The following PPP1R15A variants were observed in gnomAD, a reference collection of about 807,000 sequenced individuals.
PPP1R15A encodes the protein protein phosphatase 1 regulatory subunit 15A.
Under a neutral mutation model 48.5 loss-of-function variants are expected in PPP1R15A, and 43 were observed. The ratio of observed to expected loss-of-function variants is 0.89; its 90% CI spans 0.69 to 1.14. The LOEUF (loss-of-function observed/expected upper bound fraction) is 1.14, where lower values mean the gene tolerates loss of function less well. PPP1R15A is among the 50% of genes most tolerant of loss of function. The pLI is 0.00. For synonymous variants in PPP1R15A, 327 were observed against 327.4 expected (o/e 1.00, Z 0.01); for missense variants, 868 against 847.2 (o/e 1.02, Z -0.30).
Position 48,872,534 on chromosome 19 carries a change from G to T in PPP1R15A, c.-127G>T. 2.2e-6 allele frequency: 1 copy of T among 456,192 alleles called. No individual in the cohort carries two copies. The allele number at this position is 456,192 out of a possible 1,614,324, so 28.3% of individuals were successfully genotyped here. Reference sequence around the variant, plus strand: ...CCGGAGATACTCTGAGTTACTCGGAGCCCGACGCCTGAGGGTGAGATGAAC... The same window carrying T: ...CCGGAGATACTCTGAGTTACTCGGATCCCGACGCCTGAGGGTGAGATGAAC... On this transcript the variant is annotated 5_prime_UTR_variant, in exon 1 of 3. Coordinates refer to ENST00000200453, the MANE Select transcript of PPP1R15A (RefSeq NM_014330.5).
chr19:48,873,341 G>C lies in PPP1R15A; in HGVS notation c.108G>C (p.Leu36=). ...TCCTCAGCCGCGCCTGGAGCCGCCT[G>C]AGGGGCCTGGGACCTCTAGAGCCCT... ...MGLLSRAWSR[L]RGLGPLEPWL... The change falls in exon 2 of 3, where the codon CTG becomes CTC. Residue 36 remains leucine, a synonymous_variant. Transcript: ENST00000200453. The C allele has an allele frequency of 6.2e-7, 1 of 1,613,016 alleles. No homozygotes were observed. Among genetic ancestry groups the C allele is most frequent in the Non-Finnish European group, 8.5e-7 (1 of 1,179,678 alleles).
Position 48,874,123 on chromosome 19 carries a change from C to T in PPP1R15A, c.890C>T (p.Pro297Leu), listed in dbSNP as rs2037046679. ...CAATCCTCAGCCCCAGCCCAGAGGC[C>T]CCAGCTCAAGTCCTGGTGGTGCCAA... ...GPQSSAPAQR[P>L]QLKSWWCQPS... Residue 297 changes from proline (P) to leucine (L), a missense_variant, in exon 2 of 3, where the codon CCC (proline) becomes CTC (leucine). Coordinates refer to ENST00000200453, the MANE Select transcript of PPP1R15A (RefSeq NM_014330.5). 6.2e-7 allele frequency: 1 copy of T among 1,613,994 alleles called. No homozygotes were observed. Among genetic ancestry groups the T allele is most frequent in the African/African-American group, 1.3e-5 (1 of 74,898 alleles).
rs755786656 is a variant in PPP1R15A, at chr19:48,875,870, C to G, written c.1922C>G (p.Ser641Trp). Residue 641 changes from serine to tryptophan, a missense_variant, in exon 3 of 3, where the codon TCG (serine) becomes TGG (tryptophan). Transcript: ENST00000200453. ...TQTLPSSSVP[S>W]SPVQTTPLSQ... ...ACCTTGCCTTCCTCCTCTGTCCCTT[C>G]GTCCCCAGTCCAGACCACGCCCTTG... The G allele has an allele frequency of 1.7e-5, 28 of 1,614,062 alleles. No homozygotes were observed. Among genetic ancestry groups the G allele is most frequent in the African/African-American group, 6.7e-5 (5 of 74,936 alleles).
At position 48,873,564 on chromosome 19, in the gene PPP1R15A, T is replaced by C. The variant is rs1320014266; in HGVS notation, c.331T>C (p.Leu111=). The change falls in exon 2 of 3, where the codon TTG becomes CTG. Residue 111 remains leucine, a synonymous_variant. Coordinates refer to ENST00000200453, the MANE Select transcript of PPP1R15A (RefSeq NM_014330.5). ...SSSLPEAWGL[L]DDDDGMYGER... Reference sequence around the variant, plus strand: ...TTCCCTTCCTGAAGCCTGGGGACTTTTGGATGATGATGATGGCATGTATGG... The same window carrying C: ...TTCCCTTCCTGAAGCCTGGGGACTTCTGGATGATGATGATGGCATGTATGG... The C allele has an allele frequency of 1.2e-6, 2 of 1,613,960 alleles. No homozygotes were observed. Among genetic ancestry groups the C allele is most frequent in the Non-Finnish European group, 1.7e-6 (2 of 1,180,012 alleles).
Position 48,874,788 on chromosome 19 carries a change from C to T in PPP1R15A, c.1555C>T (p.Pro519Ser), listed in dbSNP as rs2037059602. ...CATCTATGTACCTGGAGAGAAGCCA[C>T]CGCCTCCCTGGGCTCCTCCTAGGCT... Reference protein sequence around the residue: ...VAIYVPGEKPPPPWAPPRLPL... With the variant: ...VAIYVPGEKPSPPWAPPRLPL... The change falls in exon 2 of 3, where the codon CCG becomes TCG. Residue 519 changes from proline to serine, a missense_variant. Transcript: ENST00000200453. 3 of 1,614,078 alleles carry T rather than the reference C, an allele frequency of 1.9e-6. No individual in the cohort carries two copies. The highest frequency in any genetic ancestry group is 2.2e-5 in the South Asian group (2 of 91,090).
At chr19:48,875,512 A>G (rs2037070710) in intron 2 of PPP1R15A, 102 bp from the exon 3 acceptor site, 1 of 1,412,650 alleles carries the variant, frequency 7.1e-7, no homozygotes, top group Non-Finnish European at 9.5e-7. Context: ...TTTGTGTAAT[A>G]ACTAATTTTT....
rs2037040737 is a variant in PPP1R15A at position 48,873,813 on chromosome 19, G to A, written c.580G>A (p.Asp194Asn). Reference sequence around the variant, plus strand: ...GTGTTGTCCAGCCGTGGAGGAGGAGGACGATGAAGAAGCTGTAAAGAAAGA... The same window carrying A: ...GTGTTGTCCAGCCGTGGAGGAGGAGAACGATGAAGAAGCTGTAAAGAAAGA... ...RECCPAVEEEDDEEAVKKEAH... is the reference protein window; with the variant it reads ...RECCPAVEEENDEEAVKKEAH... The change falls in exon 2 of 3, where the codon GAC (aspartate) becomes AAC (asparagine). Residue 194 changes from aspartate to asparagine, a missense_variant. Transcript: ENST00000200453. 1 of 1,613,978 alleles carries A rather than the reference G, an allele frequency of 6.2e-7. No homozygotes were observed. Among genetic ancestry groups the A allele is most frequent in the South Asian group, 1.1e-5 (1 of 91,090 alleles).
rs766389920 is a variant in PPP1R15A, at chr19:48,874,403, C to G, written c.1170C>G (p.Val390=). 6.2e-7 allele frequency: 1 copy of G among 1,613,740 alleles called. No individual in the cohort carries two copies. Among genetic ancestry groups the G allele is most frequent in the Non-Finnish European group, 8.5e-7 (1 of 1,179,916 alleles). Residue 390 remains valine, a synonymous_variant, in exon 2 of 3, where the codon GTC becomes GTG. Transcript: ENST00000200453. The part of the protein sequence containing the change: ...PATGVFLKSW[V]YQPGEDTEEE... Reference sequence around the variant, plus strand: ...CAGGTGTCTTCTTGAAGTCCTGGGTCTATCAGCCAGGAGAGGACACAGAGG... The same window carrying G: ...CAGGTGTCTTCTTGAAGTCCTGGGTGTATCAGCCAGGAGAGGACACAGAGG...
chr19:48,875,947 C>T lies in PPP1R15A; in HGVS notation c.1999C>T (p.Leu667=), dbSNP rs746786955. 3.3e-5 allele frequency: 53 copies of T among 1,597,740 alleles called. No homozygotes were observed. Among genetic ancestry groups the T allele is most frequent in the Non-Finnish European group, 4.5e-5 (53 of 1,168,994 alleles). Residue 667 remains leucine, a synonymous_variant, in exon 3 of 3, where the codon CTG becomes TTG. Coordinates refer to ENST00000200453, the MANE Select transcript of PPP1R15A (RefSeq NM_014330.5). ...CTCGTCTGCTGCTGCAGCGGCTGCCCTGGACCTCAGTGGGAGGCGTGGCTG... is the reference window on the plus strand; with the variant it reads ...CTCGTCTGCTGCTGCAGCGGCTGCCTTGGACCTCAGTGGGAGGCGTGGCTG... ...SRSSAAAAAA[L]DLSGRRG
In PPP1R15A at chr19:48,873,841, C is replaced by T. The variant is rs1251539150; in HGVS notation, c.608C>T (p.Ala203Val). 6.2e-7 allele frequency: 1 copy of T among 1,614,148 alleles called. No individual in the cohort carries two copies. Among genetic ancestry groups the T allele is most frequent in the Admixed American group, 1.7e-5 (1 of 60,004 alleles). The part of the protein sequence containing the change: ...EDDEEAVKKE[A>V]HRTSTSALSP... ...GATGAAGAAGCTGTAAAGAAAGAAG[C>T]TCACAGAACCTCTACTTCTGCCTTG... The change falls in exon 2 of 3, where the codon GCT becomes GTT. Residue 203 changes from alanine (A) to valine (V), a missense_variant. Physicochemically the swap from Ala to Val is moderately conservative, Grantham distance 64. Transcript: ENST00000200453.
intron 1 of PPP1R15A, 149 bp from the exon 2 acceptor site, chr19:48,873,076 C>T: frequency 1.5e-6 from 2 of 1,295,190 alleles, no homozygotes; most frequent in South Asian, 2.1e-5. Flanking sequence ...CAGAGATGGG[C>T]GTGGCCGAGA....
rs571123568 is a variant in PPP1R15A, at chr19:48,875,692, T to G, written c.1744T>G (p.Trp582Gly). 33 of 1,612,232 alleles carry G rather than the reference T, an allele frequency of 2.0e-5. No individual in the cohort carries two copies. The South Asian group carries it at 2.4e-4, about 12-fold the overall frequency. Residue 582 changes from tryptophan (W) to glycine (G), a missense_variant, in exon 3 of 3, where the codon TGG (tryptophan) becomes GGG (glycine). Coordinates refer to ENST00000200453, the MANE Select transcript of PPP1R15A (RefSeq NM_014330.5). ...GPAQAARQGP[W>G]EQLARDRSRF... ...GGCCCAGGCCGCCCGCCAGGGCCCCTGGGAGCAGCTTGCTCGGGATCGCAG... is the reference window on the plus strand; with the variant it reads ...GGCCCAGGCCGCCCGCCAGGGCCCCGGGGAGCAGCTTGCTCGGGATCGCAG...
chr19:48,873,201 T>C (rs2037029730), intron 1 of PPP1R15A, 24 bp from the exon 2 acceptor site: 5 of 1,458,060 alleles, frequency 3.4e-6, no homozygotes, highest in Non-Finnish European at 4.5e-6. Flanking sequence ...CCCTAAACTT[T>C]ATTTTTTTCT....
At chr19:48,875,447 AG>A in intron 2 of PPP1R15A, 166 bp from the exon 3 acceptor site, 1 of 833,148 alleles carries the variant, frequency 1.2e-6, no homozygotes. Context: ...TGAGTCAGAT[AG>A]ATAGAGAATC....
rs1439416718 is a variant in PPP1R15A at position 48,872,430 on chromosome 19, G to A, written c.-231G>A. On this transcript the variant is annotated 5_prime_UTR_variant, in exon 1 of 3. Coordinates refer to ENST00000200453, the MANE Select transcript of PPP1R15A (RefSeq NM_014330.5). Reference sequence around the variant, plus strand: ...GGCCATTGTGTTCGTTGCTCTTATCGGTTCCCATCCCAGTTGTTGATCTTA... The same window carrying A: ...GGCCATTGTGTTCGTTGCTCTTATCAGTTCCCATCCCAGTTGTTGATCTTA... The A allele has an allele frequency of 2.2e-6, 1 of 456,422 alleles. No individual in the cohort carries two copies. Among genetic ancestry groups the A allele is most frequent in the East Asian group, 7.0e-5 (1 of 14,386 alleles). 28.3% of individuals were successfully genotyped at this position (456,422 alleles called of 1,614,324 possible).
rs35023389 is a variant in PPP1R15A at position 48,874,616 on chromosome 19, G to C, written c.1383G>C (p.Leu461Phe). The C allele has an allele frequency of 6.2e-7, 1 of 1,614,052 alleles. No individual in the cohort carries two copies. The highest frequency in any genetic ancestry group is 2.2e-5 in the East Asian group (1 of 44,886). ...AGGAAGATGATTCAGAAGCAGCCTTGGGAGAAGCTGAGTCAGACCCACATC... is the reference window on the plus strand; with the variant it reads ...AGGAAGATGATTCAGAAGCAGCCTTCGGAGAAGCTGAGTCAGACCCACATC... ...EDKEDDSEAALGEAESDPHPS... is the reference protein window; with the variant it reads ...EDKEDDSEAAFGEAESDPHPS... The change falls in exon 2 of 3, where the codon TTG (leucine) becomes TTC (phenylalanine). Residue 461 changes from leucine (L) to phenylalanine (F), a missense_variant. Leu to Phe is a conservative substitution (Grantham distance 22, BLOSUM62 0). Coordinates refer to ENST00000200453, the MANE Select transcript of PPP1R15A (RefSeq NM_014330.5).
In PPP1R15A at chr19:48,874,436, A is replaced by C; in HGVS notation, c.1203A>C (p.Glu401Asp). The C allele has an allele frequency of 6.2e-7, 1 of 1,613,994 alleles. No homozygotes were observed. ...YQPGEDTEEEEDEDSDTGSAE... is the reference protein window; with the variant it reads ...YQPGEDTEEEDDEDSDTGSAE... ...CAGGAGAGGACACAGAGGAGGAGGA[A>C]GATGAGGACAGTGATACAGGATCAG... is the stretch of plus-strand genomic sequence containing the variant. Residue 401 changes from glutamate to aspartate, a missense_variant, in exon 2 of 3, where the codon GAA becomes GAC. By Grantham distance (45) the Glu-to-Asp change is conservative. Transcript: ENST00000200453.
intron 2 of PPP1R15A, chr19:48,875,113 A>G (rs772520528): frequency 9.5e-6 from 5 of 524,156 alleles, no homozygotes; most frequent in African/African-American, 1.9e-5. Context: ...TATTTTTAGT[A>G]GAGACGGGGG....
At position 48,875,377 on chromosome 19, in the gene PPP1R15A, T is replaced by G. The variant is rs996746624; in HGVS notation, c.1666-237T>G. 1.2e-5 allele frequency: 7 copies of G among 595,886 alleles called. No individual in the cohort carries two copies. The African/African-American group carries it at 1.3e-4, about 11-fold the overall frequency. 36.9% of individuals were successfully genotyped at this position (595,886 alleles called of 1,614,324 possible). Reference sequence around the variant, plus strand: ...AATCCCTTGTAAGAGGCCAGGCCCCTGGGGGAGGAGGGAGCAGCTGTGGCT... The same window carrying G: ...AATCCCTTGTAAGAGGCCAGGCCCCGGGGGGAGGAGGGAGCAGCTGTGGCT... On this transcript the variant is annotated intron_variant, in intron 2 of 2. Transcript: ENST00000200453.
Sources: allele counts gnomAD v4.1 joint callset, GRCh38; gene constraint gnomAD v4.1.1; transcripts MANE v1.5; gene names NCBI Gene and HGNC (gene_info 2026-07-23, HGNC 2026-07-21).